XRN1: variants seen among roughly 807,000 people sequenced by gnomAD.
XRN1 encodes the protein 5'-3' exoribonuclease 1.
XRN1 carries 67 observed loss-of-function variants against 222.3 expected under a neutral mutation model. The observed-to-expected ratio is 0.30, with a 90% CI of 0.25 to 0.37. The LOEUF is 0.37. Ranked by LOEUF, XRN1 falls within the 10% of genes least tolerant of loss-of-function variation. The probability of loss-of-function intolerance (pLI) is 1.00; values close to 1 mark genes in which losing one functional copy is unlikely to be tolerated. For missense variants in XRN1, 1,707 were observed against 2,000.2 expected, an observed-to-expected ratio of 0.85 and a Z score of 2.80; for synonymous variants, 643 against 652.4, an observed-to-expected ratio of 0.99 and a Z score of 0.22.
At chr3:142,442,655 G>A (rs963473483) in intron 1 of XRN1, among the ~76,000 whole-genome samples, 3 of 152,350 alleles carry the variant, frequency 2.0e-5, no homozygotes, top group Admixed American at 2.0e-4. Flanking sequence ...AAACTATCAA[G>A]CAGATAGTTA....
At chr3:142,410,491 T>TTG (rs1422662391) in intron 15 of XRN1, among the ~76,000 whole-genome samples, 4 of 128,660 alleles carry the variant, frequency 3.1e-5, no homozygotes, top group Non-Finnish European at 6.6e-5. Context: ...TCTCATGTTT[T>TTG]TTTTTTTTTT....
chr3:142,352,280 T>C (rs114551625), intron 32 of XRN1, among the ~76,000 whole-genome samples: 325 of 152,342 alleles, frequency 2.1e-3, no homozygotes, highest in African/African-American at 7.3e-3. Flanking sequence ...ACCCAGTTTA[T>C]ACCCTGAAGC....
chr3:142,355,267 G>T, intron 32 of XRN1, 134 bp downstream of exon 32: 15 of 427,090 alleles, frequency 3.5e-5, no homozygotes, highest in South Asian at 7.5e-5. Context: ...AAAAGAAAAA[G>T]AAAATTCATG....
rs758013971 is a variant in XRN1 at position 142,417,194 on chromosome 3, T to A, written c.1382A>T (p.Gln461Leu). ...FLADQAACYV[Q>L]AIQWILHYYY... ...ATAGTGCAAAATCCACTGTATTGCCTGAACATAACATGCAGCTTGATCAGC... is the reference window on the plus strand; with the variant it reads ...ATAGTGCAAAATCCACTGTATTGCCAGAACATAACATGCAGCTTGATCAGC... Residue 461 changes from glutamine to leucine, a missense_variant, in exon 13 of 41, where the codon CAG becomes CTG. Gln to Leu is a moderately radical substitution (Grantham distance 113). Transcript: ENST00000392981. 13 of 1,613,780 alleles carry A rather than the reference T, an allele frequency of 8.1e-6. No homozygotes were observed. The South Asian group carries it at 1.4e-4, about 18-fold the overall frequency.
intron 20 of XRN1, among the ~76,000 whole-genome samples, chr3:142,388,785 T>G (rs1180552230): frequency 2.6e-5 from 4 of 152,242 alleles, no homozygotes; most frequent in African/African-American, 9.6e-5. Flanking sequence ...GCTCTCAAAG[T>G]CTGCCACTGC....
rs551874944 is a variant in XRN1, at chr3:142,355,690, T to C, written c.3673-194A>G. 2.6e-5 allele frequency among the ~76,000 whole-genome samples: 4 copies of C among 152,176 alleles called. No homozygotes were observed. In the East Asian group the frequency reaches 5.8e-4, roughly 22 times the overall value. ...AAGCTGGGGAGCTGTGGTGGGGTCA[T>C]AGGTGATTGTAACCTCGAATTCCTG... On this transcript the variant is annotated intron_variant, in intron 31 of 40. Coordinates refer to ENST00000392981, the MANE Select transcript of XRN1 (RefSeq NM_001282857.2).
At chr3:142,366,664 GAAGGCCTTAATGACAAAGTATCTAT>G (rs1397463547) in intron 27 of XRN1, among the ~76,000 whole-genome samples, 1 of 152,132 alleles carries the variant, frequency 6.6e-6, no homozygotes, top group Non-Finnish European at 1.5e-5. Flanking sequence ...AGTGAACAGT[GAAGGCCTTAATGACAAAGTATCTAT>G]GCCCACAGCC....
Position 142,380,180 on chromosome 3 carries a change from C to T in XRN1, c.2617G>A (p.Val873Ile), listed in dbSNP as rs1319251227. ...GTPYYGCTGE[V>I]QDSGDVITEG... ...GTAATCACATCACCTGAATCCTGAACCTTAGAAGAAAAAAAAATCACAGTA... is the reference window on the plus strand; with the variant it reads ...GTAATCACATCACCTGAATCCTGAATCTTAGAAGAAAAAAAAATCACAGTA... The change falls in exon 23 of 41, where the codon GTT (valine) becomes ATT (isoleucine). Residue 873 changes from valine (V) to isoleucine (I), a missense_variant and splice_region_variant. Physicochemically the swap from Val to Ile is conservative, Grantham distance 29. Transcript: ENST00000392981. 1 of 1,611,564 alleles carries T rather than the reference C, an allele frequency of 6.2e-7. No homozygotes were observed. Among genetic ancestry groups the T allele is most frequent in the Non-Finnish European group, 8.5e-7 (1 of 1,179,078 alleles).
At chr3:142,322,036 C>T (rs575781528) in intron 37 of XRN1, among the ~76,000 whole-genome samples, 2 of 152,190 alleles carry the variant, frequency 1.3e-5, no homozygotes, top group African/African-American at 4.8e-5. Flanking sequence ...GGCATCTTTG[C>T]CTTGGCCCTG....
At chr3:142,398,067 A>T (rs190800293) in intron 19 of XRN1, among the ~76,000 whole-genome samples, 18 of 152,230 alleles carry the variant, frequency 1.2e-4, no homozygotes, top group African/African-American at 4.3e-4. Context: ...ATATTGAGAC[A>T]GTGTCTCTAC....
Position 142,311,272 on chromosome 3 carries a change from A to G in XRN1, c.*239T>C, listed in dbSNP as rs1295767170. Reference sequence around the variant, plus strand: ...AATGCAAGGTTTAATTTAGTTTTTTATTACAGATTTATTGAGGTATAATTG... The same window carrying G: ...AATGCAAGGTTTAATTTAGTTTTTTGTTACAGATTTATTGAGGTATAATTG... On this transcript the variant is annotated 3_prime_UTR_variant, in exon 41 of 41. Transcript: ENST00000392981. 2 of 312,240 alleles carry G rather than the reference A, an allele frequency of 6.4e-6. No individual in the cohort carries two copies. The highest frequency in any genetic ancestry group is 1.2e-5 in the Non-Finnish European group (2 of 173,642). The allele number at this position is 312,240 out of a possible 1,614,324, so 19.3% of individuals were successfully genotyped here.
At chr3:142,354,134 A>G (rs145264387) in intron 32 of XRN1, among the ~76,000 whole-genome samples, 50 of 152,320 alleles carry the variant, frequency 3.3e-4, no homozygotes, top group African/African-American at 1.0e-3. Context: ...AAACATGAAT[A>G]GATGCTTTGT....
intron 33 of XRN1, among the ~76,000 whole-genome samples, chr3:142,342,965 A>C (rs914726229): frequency 1.3e-5 from 2 of 152,160 alleles, no homozygotes; most frequent in African/African-American, 4.8e-5. Flanking sequence ...CAAAGGAAAC[A>C]ATCAACAACA....
Position 142,376,555 on chromosome 3 carries a change from T to C in XRN1, c.2755A>G (p.Ser919Gly). 2 of 1,613,366 alleles carry C rather than the reference T, an allele frequency of 1.2e-6. No homozygotes were observed. The highest frequency in any genetic ancestry group is 1.3e-5 in the African/African-American group (1 of 75,024). The change falls in exon 24 of 41, where the codon AGT (serine) becomes GGT (glycine). Residue 919 changes from serine (S) to glycine (G), a missense_variant. By Grantham distance (56) the Ser-to-Gly change is moderately conservative. Around this residue, in one of 2 missense-constraint regions of XRN1, gnomAD observed 1,234 missense variants for 1,518.2 expected, o/e 0.81. Coordinates refer to ENST00000392981, the MANE Select transcript of XRN1 (RefSeq NM_001282857.2). ...IKYNPGYVLA[S>G]RLGVSGYLVS... Reference sequence around the variant, plus strand: ...AGGTATCCACTCACTCCAAGGCGACTGGCCAACACATATCCTGGGTTGTAC... The same window carrying C: ...AGGTATCCACTCACTCCAAGGCGACCGGCCAACACATATCCTGGGTTGTAC...
rs2069664056 is a variant in XRN1, at chr3:142,432,321, G to A, written c.308+340C>T. 2.7e-5 allele frequency among the ~76,000 whole-genome samples: 4 copies of A among 147,044 alleles called. No individual in the cohort carries two copies. The Admixed American group carries it at 2.8e-4, about 10-fold the overall frequency. On this transcript the variant is annotated intron_variant, in intron 2 of 40. Coordinates refer to ENST00000392981, the MANE Select transcript of XRN1 (RefSeq NM_001282857.2). ...TGTAATCCCAGCTAGTTAAGAGGCT[G>A]AGGCACCGATAATCACTTGAACTGG...
chr3:142,417,656 C>G (rs1405129819), intron 12 of XRN1, among the ~76,000 whole-genome samples: 2 of 152,214 alleles, frequency 1.3e-5, no homozygotes, highest in Admixed American at 1.3e-4. Context: ...AATTTGGTCA[C>G]AGAAGCTAGA....
rs145784271 is a variant in XRN1, at chr3:142,367,238, G to A, written c.3205-1872C>T. ...GGAGGCAGAGGTTGCAGTGAGTCGA[G>A]ATTGCACCACTGCACTCCAGCCTGG... On this transcript the variant is annotated intron_variant, in intron 27 of 40. Coordinates refer to ENST00000392981, the MANE Select transcript of XRN1 (RefSeq NM_001282857.2). Among the ~76,000 whole-genome samples, 780 of 151,974 alleles carry A rather than the reference G, an allele frequency of 5.1e-3. 9 individuals are homozygous for A. Among genetic ancestry groups the A allele is most frequent in the African/African-American group, 0.018 (748 of 41,418 alleles).
chr3:142,423,813 G>A lies in XRN1; in HGVS notation c.628-171C>T, dbSNP rs79685994. Among the ~76,000 whole-genome samples the A allele has an allele frequency of 5.1e-3, 782 of 152,234 alleles. 9 individuals are homozygous for A. The highest frequency in any genetic ancestry group is 0.018 in the African/African-American group (760 of 41,554). ...TTGTAGGTAATGAATGAGATAAAGTGTACTTTTCTAAGAAAAATATGTTCA... is the reference window on the plus strand; with the variant it reads ...TTGTAGGTAATGAATGAGATAAAGTATACTTTTCTAAGAAAAATATGTTCA... On this transcript the variant is annotated intron_variant, in intron 5 of 40. Transcript: ENST00000392981.
rs200924333 is a variant in XRN1, at chr3:142,329,928, A to G, written c.4223-313T>C. Among the ~76,000 whole-genome samples the G allele has an allele frequency of 5.3e-5, 8 of 152,226 alleles. No homozygotes were observed. In the East Asian group the frequency reaches 1.2e-3, roughly 22 times the overall value. The stretch of plus-strand genomic sequence containing the variant: ...TAGACGCTATAGAGCCACCAACTGC[A>G]TTAAAAAGATGAGTCTTCCATGAAG... On this transcript the variant is annotated intron_variant, in intron 36 of 40. Transcript: ENST00000392981.
Sources: gnomAD v4.1 joint callset for allele counts (sites outside exome capture counted in the v4.1 genomes callset) on GRCh38, gnomAD v4.1.1 for gene constraint, gnomAD v4.1.1 regional missense constraint, MANE v1.5 for transcripts, NCBI Gene and HGNC (gene_info 2026-07-23, HGNC 2026-07-21) for gene names.